The following PTPRK variants were observed in gnomAD, a reference collection of about 807,000 sequenced individuals.
PTPRK encodes protein tyrosine phosphatase receptor type K, also known as receptor-type tyrosine-protein phosphatase kappa.
A neutral mutation model predicts 178.0 loss-of-function variants in PTPRK; 75 were observed. The observed-to-expected ratio is 0.42, with a 90% confidence interval of 0.35 to 0.51. The LOEUF (loss-of-function observed/expected upper bound fraction) is 0.51. Among genes scored for constraint, PTPRK ranks in the 20% least tolerant of loss-of-function variants. PTPRK has a pLI of 0.02. For missense variants in PTPRK, 1,441 were observed against 1,797.8 expected, an observed-to-expected ratio of 0.80 and a Z score of 3.59; for synonymous variants, 637 against 620.6, an observed-to-expected ratio of 1.03 and a Z score of -0.39.
At chr6:128,408,367 G>A (rs899981471) in intron 1 of PTPRK, among the ~76,000 whole-genome samples, 2 of 152,096 alleles carry the variant, frequency 1.3e-5, no homozygotes, top group African/African-American at 2.4e-5. Flanking sequence ...CAGCCTGAGC[G>A]ACAGAGCAAG....
rs375229548 is a variant in PTPRK, at chr6:128,184,485, T to C, written c.1109A>G (p.Glu370Gly). Residue 370 changes from glutamate (E) to glycine (G), a missense_variant, in exon 7 of 30, where the codon GAA (glutamate) becomes GGA (glycine). By Grantham distance (98) the Glu-to-Gly change is moderately conservative. This residue lies in a region of PTPRK where 945 missense variants were observed against 1,080.6 expected (regional missense o/e 0.87). Transcript: ENST00000368226. ...AGGTCCTGGGAGCCCCGTTCCACCTTCACCAGGTCTTGTAAGTAGAACTCG... is the reference window on the plus strand; with the variant it reads ...AGGTCCTGGGAGCCCCGTTCCACCTCCACCAGGTCTTGTAAGTAGAACTCG... The part of the protein sequence containing the change: ...EIRVLLTRPG[E>G]GGTGLPGPPL... The C allele has an allele frequency of 6.2e-7, 1 of 1,613,762 alleles. No individual in the cohort carries two copies. The highest frequency in any genetic ancestry group is 8.5e-7 in the Non-Finnish European group (1 of 1,179,798).
intron 3 of PTPRK, among the ~76,000 whole-genome samples, chr6:128,262,857 CAA>C (rs747334195): frequency 2.8e-4 from 21 of 75,044 alleles, no homozygotes; most frequent in African/African-American, 4.6e-4. Context: ...AACCAATAAC[CAA>C]AAAAAAAAAA....
At chr6:128,191,644 T>C (rs758827418) in intron 6 of PTPRK, among the ~76,000 whole-genome samples, 79 of 152,092 alleles carry the variant, frequency 5.2e-4, no homozygotes, top group Non-Finnish European at 1.0e-3. Context: ...TCAAATTGTA[T>C]ACATATACCA....
intron 1 of PTPRK, among the ~76,000 whole-genome samples, chr6:128,408,416 A>T (rs1841949272): frequency 1.3e-5 from 2 of 152,132 alleles, no homozygotes; most frequent in Non-Finnish European, 2.9e-5. Context: ...ACTACCCCTA[A>T]TTAATGTTCC....
At chr6:128,516,538 C>A in intron 1 of PTPRK, among the ~76,000 whole-genome samples, 1 of 152,146 alleles carries the variant, frequency 6.6e-6, no homozygotes, top group African/African-American at 2.4e-5. Flanking sequence ...AGCAAGCTGG[C>A]TCCAAAGTAT....
chr6:128,140,564 C>T (rs1165510910), intron 7 of PTPRK, among the ~76,000 whole-genome samples: 1 of 151,740 alleles, frequency 6.6e-6, no homozygotes, highest in African/African-American at 2.4e-5. Flanking sequence ...AGGTAATTTC[C>T]CAAAAATTTA....
At position 128,404,545 on chromosome 6, in the gene PTPRK, T is replaced by C. The variant is rs1030419946; in HGVS notation, c.101-6857A>G. Among the ~76,000 whole-genome samples the C allele has an allele frequency of 2.0e-5, 3 of 152,218 alleles. No individual in the cohort carries two copies. In the East Asian group the frequency reaches 5.8e-4, roughly 29 times the overall value. ...TTAAATACAGGTAACCGCATATCCA[T>C]TGTAGCAGGGGATCCCGAAGTGTGA... is the stretch of plus-strand genomic sequence containing the variant. On this transcript the variant is annotated intron_variant, in intron 1 of 29. Transcript: ENST00000368226.
At chr6:128,456,354 A>G (rs547421658) in intron 1 of PTPRK, among the ~76,000 whole-genome samples, 2 of 152,074 alleles carry the variant, frequency 1.3e-5, no homozygotes, top group South Asian at 4.1e-4. Context: ...TTACAAACCA[A>G]GGGTTACAGA....
chr6:128,397,028 T>A (rs1003339352), intron 2 of PTPRK, among the ~76,000 whole-genome samples: 4 of 151,848 alleles, frequency 2.6e-5, no homozygotes, highest in Non-Finnish European at 5.9e-5. Context: ...AAAGAACAGA[T>A]CTGGCCCTAT....
intron 7 of PTPRK, among the ~76,000 whole-genome samples, chr6:128,145,200 A>T (rs1172567832): frequency 6.6e-6 from 1 of 152,108 alleles, no homozygotes; most frequent in Non-Finnish European, 1.5e-5. Context: ...AATTTGTAAT[A>T]CTACTGTTCC....
At chr6:128,064,881 C>G in intron 12 of PTPRK, 87 bp from the exon 13 acceptor site, 1 of 1,373,622 alleles carries the variant, frequency 7.3e-7, no homozygotes, top group East Asian at 2.6e-5. Flanking sequence ...GAAGATCCAT[C>G]TGGGGTCATA....
intron 2 of PTPRK, among the ~76,000 whole-genome samples, chr6:128,374,386 CT>C (rs1836725305): frequency 6.6e-6 from 1 of 152,108 alleles, no homozygotes; most frequent in Non-Finnish European, 1.5e-5. Context: ...GTCCTCTCCC[CT>C]GATAATCAGA....
At chr6:128,275,320 G>C (rs1310453085) in intron 3 of PTPRK, among the ~76,000 whole-genome samples, 1 of 152,010 alleles carries the variant, frequency 6.6e-6, no homozygotes, top group Non-Finnish European at 1.5e-5. Context: ...CTTTTTCTAT[G>C]TGAAGCTGAG....
At chr6:128,052,763 C>G (rs1230481781) in intron 13 of PTPRK, among the ~76,000 whole-genome samples, 1 of 152,044 alleles carries the variant, frequency 6.6e-6, no homozygotes, top group Non-Finnish European at 1.5e-5. Context: ...ATGTAAATAC[C>G]TGGTTTCTCA....
At chr6:128,262,216 T>C (rs1309006521) in intron 3 of PTPRK, among the ~76,000 whole-genome samples, 3 of 152,196 alleles carry the variant, frequency 2.0e-5, no homozygotes, top group East Asian at 1.9e-4. Context: ...CAATTTTATG[T>C]AGTTTCCAAC....
intron 1 of PTPRK, among the ~76,000 whole-genome samples, chr6:128,478,239 C>T (rs1175988366): frequency 6.6e-6 from 1 of 152,110 alleles, no homozygotes; most frequent in Non-Finnish European, 1.5e-5. Context: ...CACTCTCCTT[C>T]CTAACTCTTG....
At chr6:128,009,736 T>C (rs1778845432) in intron 13 of PTPRK, among the ~76,000 whole-genome samples, 1 of 151,204 alleles carries the variant, frequency 6.6e-6, no homozygotes, top group African/African-American at 2.4e-5. Flanking sequence ...AAATGCCTAA[T>C]ATAACTGTTA....
intron 2 of PTPRK, among the ~76,000 whole-genome samples, chr6:128,370,419 A>AT (rs1836109910): frequency 6.6e-6 from 1 of 151,952 alleles, no homozygotes; most frequent in Non-Finnish European, 1.5e-5. Flanking sequence ...CCTGATATAC[A>AT]TTTTTTCATT....
chr6:128,357,950 T>C (rs1346531360), intron 2 of PTPRK, among the ~76,000 whole-genome samples: 2 of 152,206 alleles, frequency 1.3e-5, no homozygotes, highest in African/African-American at 2.4e-5. Flanking sequence ...CGTTTTGCCA[T>C]CTCTACTCAC....
Sources: allele counts gnomAD v4.1 joint callset (sites outside exome capture counted in the v4.1 genomes callset), GRCh38; gene constraint gnomAD v4.1.1; regional missense constraint gnomAD v4.1.1; transcripts MANE v1.5; gene names NCBI Gene and HGNC (gene_info 2026-07-23, HGNC 2026-07-21).